ME1: variants seen among roughly 807,000 people sequenced by gnomAD.
ME1 encodes NADP-dependent malic enzyme.
A neutral mutation model predicts 66.4 loss-of-function variants in ME1; 74 were observed. The ratio of observed to expected loss-of-function variants is 1.11; its 90% CI spans 0.92 to 1.35. ME1 has a LOEUF of 1.35. Among genes scored for constraint, ME1 ranks in the 40% most tolerant of loss-of-function variants. The probability of loss-of-function intolerance (pLI) is 0.00; values close to 1 mark genes in which losing one functional copy is unlikely to be tolerated. For missense variants in ME1, 750 were observed against 694.1 expected, an observed-to-expected ratio of 1.08 and a Z score of -0.90; for synonymous variants, 251 against 235.6, an observed-to-expected ratio of 1.07 and a Z score of -0.60.
chr6:83,264,852 G>A (rs951202839), intron 6 of ME1, among the ~76,000 whole-genome samples: 4 of 152,152 alleles, frequency 2.6e-5, no homozygotes, highest in East Asian at 3.8e-4. Context: ...CTGTTGAAAC[G>A]ACAACAATTT....
intron 6 of ME1, among the ~76,000 whole-genome samples, chr6:83,283,822 A>G (rs1767350959): frequency 6.6e-6 from 1 of 152,198 alleles, no homozygotes; most frequent in Non-Finnish European, 1.5e-5. Flanking sequence ...TCATGCCTAG[A>G]GGAACTAGAG....
At chr6:83,416,792 A>G (rs1380550584) in intron 1 of ME1, among the ~76,000 whole-genome samples, 1 of 151,472 alleles carries the variant, frequency 6.6e-6, no homozygotes, top group Non-Finnish European at 1.5e-5. Context: ...GCTACTTGGG[A>G]GGCAGAGGTG....
chr6:83,311,824 G>T (rs1213339016), intron 6 of ME1, among the ~76,000 whole-genome samples: 1 of 152,086 alleles, frequency 6.6e-6, no homozygotes, highest in Non-Finnish European at 1.5e-5. Flanking sequence ...TGGCAAAAGT[G>T]GGGTGTGTGT....
chr6:83,243,887 G>GTATATATATA (rs370591861), intron 7 of ME1, among the ~76,000 whole-genome samples: 76 of 127,570 alleles, frequency 6.0e-4, no homozygotes, highest in African/African-American at 2.2e-3. Flanking sequence ...ATGTGTGTGT[G>GTATATATATA]TATATATATA....
intron 7 of ME1, among the ~76,000 whole-genome samples, chr6:83,242,533 G>A (rs1371088156): frequency 1.3e-5 from 2 of 152,048 alleles, no homozygotes; most frequent in African/African-American, 4.8e-5. Context: ...ACACAGTATT[G>A]ATTAATGTAA....
intron 3 of ME1, among the ~76,000 whole-genome samples, chr6:83,376,037 T>C (rs1416506671): frequency 6.6e-6 from 1 of 152,196 alleles, no homozygotes; most frequent in Non-Finnish European, 1.5e-5. Flanking sequence ...TGCTATATAT[T>C]ATACTGCTTT....
At chr6:83,296,098 G>A (rs960736927) in intron 6 of ME1, among the ~76,000 whole-genome samples, 7 of 152,136 alleles carry the variant, frequency 4.6e-5, no homozygotes, top group African/African-American at 1.7e-4. Flanking sequence ...GTACAAAGAA[G>A]AGCTGGTACT....
intron 3 of ME1, among the ~76,000 whole-genome samples, chr6:83,389,801 T>C (rs1423997585): frequency 1.3e-5 from 2 of 152,108 alleles, no homozygotes; most frequent in Admixed American, 6.6e-5. Flanking sequence ...AAATTGTCTC[T>C]AGCTTCCAAA....
intron 3 of ME1, among the ~76,000 whole-genome samples, chr6:83,393,794 A>C (rs1233614842): frequency 6.6e-6 from 1 of 152,104 alleles, no homozygotes; most frequent in Non-Finnish European, 1.5e-5. Flanking sequence ...TTTATATAGA[A>C]ATATATTTTT....
intron 6 of ME1, among the ~76,000 whole-genome samples, chr6:83,295,055 G>C (rs1381523486): frequency 6.6e-6 from 1 of 152,108 alleles, no homozygotes; most frequent in Non-Finnish European, 1.5e-5. Context: ...TGCAACTGTG[G>C]GTAAATATAG....
rs891004052 is a variant in ME1, at chr6:83,392,615, T to G, written c.362+5752A>C. 1.0e-4 allele frequency: 60 copies of G among 576,832 alleles called. 1 individual carries two copies. The Middle Eastern group carries it at 4.8e-3, about 46-fold the overall frequency. The allele number at this position is 576,832 out of a possible 1,614,324, so 35.7% of individuals were successfully genotyped here. On this transcript the variant is annotated intron_variant, in intron 3 of 13. Transcript: ENST00000369705. ...ACCGTCAAGGCTGAGAACGGGAAGCTTGTTATCAATGGAAATCTCATCACT... is the reference window on the plus strand; with the variant it reads ...ACCGTCAAGGCTGAGAACGGGAAGCGTGTTATCAATGGAAATCTCATCACT...
At chr6:83,368,197 C>G (rs923979564) in intron 3 of ME1, among the ~76,000 whole-genome samples, 4 of 151,740 alleles carry the variant, frequency 2.6e-5, no homozygotes, top group African/African-American at 9.7e-5. Flanking sequence ...CATCAAAGAT[C>G]TGATTACAGA....
chr6:83,284,175 A>G (rs532770679), intron 6 of ME1, among the ~76,000 whole-genome samples: 7 of 152,282 alleles, frequency 4.6e-5, no homozygotes, highest in Admixed American at 3.3e-4. Context: ...ACTTCCCAAG[A>G]TTGAATCAGG....
intron 6 of ME1, among the ~76,000 whole-genome samples, chr6:83,266,043 G>C (rs1335130306): frequency 6.6e-6 from 1 of 152,030 alleles, no homozygotes; most frequent in African/African-American, 2.4e-5. Flanking sequence ...ATAATTGCTT[G>C]TAGGCTCTAT....
At chr6:83,355,249 T>C (rs1281108753) in intron 3 of ME1, among the ~76,000 whole-genome samples, 2 of 151,902 alleles carry the variant, frequency 1.3e-5, no homozygotes, top group Non-Finnish European at 2.9e-5. Flanking sequence ...CTTGGCAATA[T>C]ACTATTTTTT....
chr6:83,372,946 T>C (rs1348681828), intron 3 of ME1, among the ~76,000 whole-genome samples: 1 of 152,180 alleles, frequency 6.6e-6, no homozygotes, highest in Non-Finnish European at 1.5e-5. Context: ...AATAAGTAAA[T>C]GTTTAGTGAT....
chr6:83,401,217 C>A (rs1415965514), intron 2 of ME1, among the ~76,000 whole-genome samples: 1 of 152,100 alleles, frequency 6.6e-6, no homozygotes, highest in Non-Finnish European at 1.5e-5. Flanking sequence ...TGCCTGTAGT[C>A]CTAGCTACTT....
chr6:83,267,739 T>G (rs560469576), intron 6 of ME1, among the ~76,000 whole-genome samples: 1 of 152,338 alleles, frequency 6.6e-6, no homozygotes, highest in South Asian at 2.1e-4. Context: ...ACTAATAGAC[T>G]AATATGGTCA....
chr6:83,250,063 C>T (rs1448723238), intron 7 of ME1, among the ~76,000 whole-genome samples: 1 of 152,172 alleles, frequency 6.6e-6, no homozygotes, highest in African/African-American at 2.4e-5. Flanking sequence ...CAGCCAGCAT[C>T]ATGATACATT....
Sources: allele counts gnomAD v4.1 joint callset (sites outside exome capture counted in the v4.1 genomes callset), GRCh38; gene constraint gnomAD v4.1.1; transcripts MANE v1.5; gene names NCBI Gene and HGNC (gene_info 2026-07-23, HGNC 2026-07-21).